The following TIMP3 variants were observed in gnomAD, a reference collection of about 807,000 sequenced individuals.
TIMP3 encodes the protein TIMP metallopeptidase inhibitor 3, also known as metalloproteinase inhibitor 3.
In TIMP3, 11 loss-of-function variants were observed where a neutral mutation model predicts 30.0. That is an observed-to-expected ratio of 0.37 (90% CI 0.23 to 0.61). TIMP3 has a LOEUF of 0.61. TIMP3 is among the 20% of genes least tolerant of loss of function. TIMP3 has a pLI of 0.70. For synonymous variants in TIMP3, 112 were observed against 111.3 expected, an observed-to-expected ratio of 1.01 and a Z score of -0.04; for missense variants, 181 against 276.8, an observed-to-expected ratio of 0.65 and a Z score of 2.45.
intron 2 of TIMP3, among the ~76,000 whole-genome samples, chr22:32,851,180 G>A (rs975943809): frequency 3.3e-5 from 5 of 152,138 alleles, no homozygotes; most frequent in Non-Finnish European, 5.9e-5. Context: ...CAGACAGCGC[G>A]GGAATGCCAA....
At chr22:32,856,448 T>C (rs1207681560) in intron 2 of TIMP3, among the ~76,000 whole-genome samples, 1 of 152,090 alleles carries the variant, frequency 6.6e-6, no homozygotes, top group Admixed American at 6.5e-5. Flanking sequence ...ACTGGACAGC[T>C]GAATAGGGGA....
rs537040697 is a variant in TIMP3, at chr22:32,838,291, C to T, written c.122-11161C>T. Among the ~76,000 whole-genome samples the T allele has an allele frequency of 5.8e-4, 88 of 152,250 alleles. 1 individual carries two copies. The highest frequency in any genetic ancestry group is 2.0e-3 in the African/African-American group (85 of 41,546). On this transcript the variant is annotated intron_variant, in intron 1 of 4. Transcript: ENST00000266085. Reference sequence around the variant, plus strand: ...GGCAAAATAAAACAAACAATAAACACTATGGCAGAGAGGGACACAGGACCT... The same window carrying T: ...GGCAAAATAAAACAAACAATAAACATTATGGCAGAGAGGGACACAGGACCT...
At chr22:32,807,355 A>AATATATAAATATATATT (rs1555968073) in intron 1 of TIMP3, among the ~76,000 whole-genome samples, 4,920 of 19,658 alleles carry the variant, frequency 0.25, 271 homozygotes, top group East Asian at 0.34. Context: ...ATAAATATAT[A>AATATATAAATATATATT]ATATATAATA....
intron 1 of TIMP3, among the ~76,000 whole-genome samples, chr22:32,814,107 CGTGTGTGTGTGTGTGTGT>C (rs130279): frequency 3.1e-5 from 3 of 97,674 alleles, no homozygotes; most frequent in African/African-American, 4.3e-5. Flanking sequence ...AGGCAATACT[CGTGTGTGTGTGTGTGTGT>C]GTGTGTGTGT....
At chr22:32,842,795 T>C (rs994135394) in intron 1 of TIMP3, among the ~76,000 whole-genome samples, 3 of 152,176 alleles carry the variant, frequency 2.0e-5, no homozygotes, top group African/African-American at 7.2e-5. Flanking sequence ...TGATACGATA[T>C]ACTGTTATAC....
intron 1 of TIMP3, among the ~76,000 whole-genome samples, chr22:32,841,875 T>C (rs1399993850): frequency 6.6e-6 from 1 of 152,030 alleles, no homozygotes; most frequent in Non-Finnish European, 1.5e-5. Context: ...AAAAAGTTCA[T>C]GAGAGTTCTA....
rs750590747 is a variant in TIMP3, at chr22:32,859,339, C to G, written c.598C>G (p.Pro200Ala). Reference protein sequence around the residue: ...GYCSWYRGWAPPDKSIINATD... With the variant: ...GYCSWYRGWAAPDKSIINATD... Reference sequence around the variant, plus strand: ...CTGCAGCTGGTACCGAGGATGGGCCCCCCCGGATAAAAGCATCATCAATGC... The same window carrying G: ...CTGCAGCTGGTACCGAGGATGGGCCGCCCCGGATAAAAGCATCATCAATGC... Residue 200 changes from proline (P) to alanine (A), a missense_variant, in exon 5 of 5, where the codon CCC (proline) becomes GCC (alanine). Pro to Ala is a conservative substitution (Grantham distance 27, BLOSUM62 -1). This residue lies in a region of TIMP3 where 47 missense variants were observed against 63.8 expected (regional missense o/e 0.74). Transcript: ENST00000266085. 7 of 1,613,170 alleles carry G rather than the reference C, an allele frequency of 4.3e-6. No individual in the cohort carries two copies. The highest frequency in any genetic ancestry group is 2.7e-5 in the African/African-American group (2 of 74,934).
chr22:32,807,484 A>G (rs901853878), intron 1 of TIMP3, among the ~76,000 whole-genome samples: 2 of 143,644 alleles, frequency 1.4e-5, no homozygotes, highest in Non-Finnish European at 3.0e-5. Flanking sequence ...TTAAACAGCT[A>G]ATAAGTATAG....
At chr22:32,814,320 A>AAAGAAAGAAAGAAAGG (rs2047018387) in intron 1 of TIMP3, among the ~76,000 whole-genome samples, 5 of 144,704 alleles carry the variant, frequency 3.5e-5, no homozygotes, top group African/African-American at 1.3e-4. Context: ...AGAGAGACAG[A>AAAGAAAGAAAGAAAGG]AAGAAAGAAA....
intron 1 of TIMP3, among the ~76,000 whole-genome samples, chr22:32,838,090 T>C (rs564900473): frequency 2.6e-5 from 4 of 152,308 alleles, no homozygotes; most frequent in African/African-American, 9.6e-5. Context: ...TGTCTTCTTG[T>C]CTCACAAGAG....
intron 1 of TIMP3, among the ~76,000 whole-genome samples, chr22:32,824,493 G>C (rs1040654673): frequency 3.3e-4 from 50 of 152,058 alleles, no homozygotes; most frequent in Non-Finnish European, 1.2e-4. Flanking sequence ...GCAGATCCCT[G>C]TCTGGAGCTC....
chr22:32,804,726 C>A (rs1332928679), intron 1 of TIMP3, among the ~76,000 whole-genome samples: 1 of 152,196 alleles, frequency 6.6e-6, no homozygotes, highest in Non-Finnish European at 1.5e-5. Context: ...GTTTCTATGG[C>A]AACTCCAGGC....
At chr22:32,825,530 G>T (rs2047376998) in intron 1 of TIMP3, among the ~76,000 whole-genome samples, 1 of 151,390 alleles carries the variant, frequency 6.6e-6, no homozygotes, top group East Asian at 1.9e-4. Flanking sequence ...GTGGTGGCGG[G>T]CGCCTGTAAT....
chr22:32,830,167 T>C (rs1022268640), intron 1 of TIMP3, among the ~76,000 whole-genome samples: 2 of 152,208 alleles, frequency 1.3e-5, no homozygotes, highest in African/African-American at 4.8e-5. Flanking sequence ...TTCTCTCTTC[T>C]TGGAACCCCT....
intron 1 of TIMP3, among the ~76,000 whole-genome samples, chr22:32,805,230 G>A (rs1246698371): frequency 2.0e-5 from 3 of 152,166 alleles, no homozygotes; most frequent in African/African-American, 7.2e-5. Context: ...TTGAGCATGA[G>A]GCTCAGCTGG....
intron 1 of TIMP3, among the ~76,000 whole-genome samples, chr22:32,813,486 TACACAC>T (rs130277): frequency 0.18 from 24,370 of 138,036 alleles, 2,214 homozygotes; most frequent in African/African-American, 0.23. Context: ...TCTGAAAAGA[TACACAC>T]ACACACACAC....
intron 1 of TIMP3, among the ~76,000 whole-genome samples, chr22:32,816,989 G>A (rs1265107299): frequency 1.3e-5 from 2 of 151,850 alleles, no homozygotes; most frequent in Admixed American, 1.3e-4. Flanking sequence ...AGGCTGAGGC[G>A]AGAGGATCGC....
At chr22:32,820,377 T>TGC (rs1251071135) in intron 1 of TIMP3, among the ~76,000 whole-genome samples, 1 of 149,386 alleles carries the variant, frequency 6.7e-6, no homozygotes. Context: ...TGTGTGTGTG[T>TGC]GGTGTGTTCT....
chr22:32,860,247 C>G lies in TIMP3; in HGVS notation c.*870C>G, dbSNP rs2048498291. 6.6e-6 allele frequency: 1 copy of G among 152,314 alleles called. No individual in the cohort carries two copies. The highest frequency in any genetic ancestry group is 2.4e-5 in the African/African-American group (1 of 41,436). 9.4% of individuals were successfully genotyped at this position (152,314 alleles called of 1,614,324 possible). On this transcript the variant is annotated 3_prime_UTR_variant, in exon 5 of 5. Transcript: ENST00000266085. ...CTGGAAAACGCTTTGGTAGATTTGG[C>G]CAGGAGCTTTCTTTTATGTAAATTG...
Sources: allele counts gnomAD v4.1 joint callset (sites outside exome capture counted in the v4.1 genomes callset), GRCh38; gene constraint gnomAD v4.1.1; regional missense constraint gnomAD v4.1.1; transcripts MANE v1.5; gene names NCBI Gene and HGNC (gene_info 2026-07-23, HGNC 2026-07-21).